Variants in CATSPERB observed in about 807,000 individuals in gnomAD.
The protein encoded by CATSPERB is cation channel sperm-associated auxiliary subunit beta.
A neutral mutation model predicts 128.3 loss-of-function variants in CATSPERB; 93 were observed. The observed-to-expected ratio is 0.72, with a 90% CI of 0.61 to 0.86. The LOEUF (loss-of-function observed/expected upper bound fraction) is 0.86, where lower values mean the gene tolerates loss of function less well. Among genes scored for constraint, CATSPERB ranks in the 40% least tolerant of loss-of-function variants. The pLI, the probability that CATSPERB is intolerant of heterozygous loss-of-function variation, is 0.00. For synonymous variants in CATSPERB, 381 were observed against 448.8 expected, an observed-to-expected ratio of 0.85 and a Z score of 1.91; for missense variants, 1,153 against 1,329.5, an observed-to-expected ratio of 0.87 and a Z score of 2.06.
intron 7 of CATSPERB, among the ~76,000 whole-genome samples, chr14:91,703,272 C>T (rs1053868323): frequency 1.3e-5 from 2 of 152,076 alleles, no homozygotes; most frequent in South Asian, 4.1e-4. Context: ...TGTGATATAA[C>T]GAGAAATACG....
intron 6 of CATSPERB, among the ~76,000 whole-genome samples, chr14:91,706,451 A>C (rs535700308): frequency 2.0e-5 from 3 of 152,280 alleles, no homozygotes; most frequent in East Asian, 1.9e-4. Flanking sequence ...AGTATATCTT[A>C]AGCATTTTAA....
At chr14:91,661,597 A>G (rs995416558) in intron 14 of CATSPERB, among the ~76,000 whole-genome samples, 5 of 149,014 alleles carry the variant, frequency 3.4e-5, no homozygotes, top group East Asian at 3.9e-4. Flanking sequence ...CAGTGGCACA[A>G]TCTTGGCTCA....
At chr14:91,650,466 G>A (rs1359288558) in intron 15 of CATSPERB, among the ~76,000 whole-genome samples, 2 of 152,138 alleles carry the variant, frequency 1.3e-5, no homozygotes, top group East Asian at 3.8e-4. Context: ...CAAATTCTTA[G>A]GTGAAACTAA....
chr14:91,636,705 A>G, intron 16 of CATSPERB, 126 bp from the exon 17 acceptor site: 1 of 809,826 alleles, frequency 1.2e-6, no homozygotes, highest in East Asian at 2.7e-5. Context: ...CAATTGGAGA[A>G]ATAAGTCAAC....
chr14:91,683,647 GCCT>G (rs1398976686), intron 11 of CATSPERB, among the ~76,000 whole-genome samples: 1 of 152,066 alleles, frequency 6.6e-6, no homozygotes, highest in Non-Finnish European at 1.5e-5. Flanking sequence ...GATGACACTA[GCCT>G]ATGTTCCAGG....
chr14:91,704,727 A>G, intron 6 of CATSPERB, 26 bp from the exon 7 acceptor site: 1 of 1,603,552 alleles, frequency 6.2e-7, no homozygotes, highest in Admixed American at 1.7e-5. Context: ...TTGGGTGTTT[A>G]AATTGTGGGA....
chr14:91,640,377 A>G (rs1311374327), intron 15 of CATSPERB, among the ~76,000 whole-genome samples: 3 of 102,740 alleles, frequency 2.9e-5, no homozygotes, highest in African/African-American at 1.3e-4. Flanking sequence ...TATATCTCCC[A>G]ATGCTATCCC....
intron 16 of CATSPERB, among the ~76,000 whole-genome samples, chr14:91,638,423 G>T (rs1383277782): frequency 6.6e-6 from 1 of 150,992 alleles, no homozygotes; most frequent in African/African-American, 2.4e-5. Context: ...TTGAGTCAGG[G>T]TCTTGCTCTG....
intron 11 of CATSPERB, among the ~76,000 whole-genome samples, chr14:91,683,145 T>G (rs1895313452): frequency 6.6e-6 from 1 of 152,244 alleles, no homozygotes; most frequent in African/African-American, 2.4e-5. Flanking sequence ...TGCTATTATA[T>G]ACTCTGCACA....
At chr14:91,581,783 G>A (rs1882019101) in intron 26 of CATSPERB, among the ~76,000 whole-genome samples, 1 of 152,176 alleles carries the variant, frequency 6.6e-6, no homozygotes, top group Non-Finnish European at 1.5e-5. Flanking sequence ...ATAGAAGTGG[G>A]GCATAAAGAG....
intron 19 of CATSPERB, among the ~76,000 whole-genome samples, chr14:91,619,112 G>A (rs561799614): frequency 3.9e-5 from 6 of 152,226 alleles, no homozygotes; most frequent in East Asian, 1.9e-4. Flanking sequence ...AGAACATTGC[G>A]GTGTTGGTGA....
chr14:91,729,264 T>C lies in CATSPERB; in HGVS notation c.79+137A>G, dbSNP rs113093657. The C allele has an allele frequency of 2.5e-3, 1,150 of 459,778 alleles. 18 individuals carry two copies. The highest frequency in any genetic ancestry group is 0.021 in the African/African-American group (1,032 of 49,202). 28.5% of individuals were successfully genotyped at this position (459,778 alleles called of 1,614,324 possible). On this transcript the variant is annotated intron_variant, in intron 2 of 26. Coordinates refer to ENST00000256343, the MANE Select transcript of CATSPERB (RefSeq NM_024764.4). ...TAGAAGCCTCTAGACCAGAGTATAATTGACAATATTGGGAAACAATTGGAA... is the reference window on the plus strand; with the variant it reads ...TAGAAGCCTCTAGACCAGAGTATAACTGACAATATTGGGAAACAATTGGAA...
intron 12 of CATSPERB, 60 bp downstream of exon 12, chr14:91,674,116 C>G: frequency 1.1e-6 from 1 of 934,120 alleles, no homozygotes; most frequent in Non-Finnish European, 1.7e-6. Flanking sequence ...TAATCCCAAT[C>G]CATGAAGTCC....
chr14:91,633,858 A>G (rs1422931534), intron 17 of CATSPERB, among the ~76,000 whole-genome samples: 1 of 152,054 alleles, frequency 6.6e-6, no homozygotes, highest in Non-Finnish European at 1.5e-5. Context: ...AAAGAAAAAG[A>G]GAGAGAGAGT....
At chr14:91,688,323 G>A (rs1165382931) in intron 10 of CATSPERB, among the ~76,000 whole-genome samples, 2 of 152,120 alleles carry the variant, frequency 1.3e-5, no homozygotes, top group Non-Finnish European at 2.9e-5. Context: ...ATACCAGTGA[G>A]GTGTATTTTG....
chr14:91,667,110 G>A (rs1894997896), intron 14 of CATSPERB, among the ~76,000 whole-genome samples: 1 of 152,238 alleles, frequency 6.6e-6, no homozygotes, highest in South Asian at 2.1e-4. Context: ...CTGGGAAAGG[G>A]AAAAAGTATA....
intron 22 of CATSPERB, chr14:91,603,521 G>T: frequency 1.1e-6 from 1 of 877,454 alleles, no homozygotes; most frequent in Non-Finnish European, 1.9e-6. Flanking sequence ...ATGCCGGCCA[G>T]CAAGGAAGGG....
intron 26 of CATSPERB, among the ~76,000 whole-genome samples, chr14:91,581,592 C>T (rs1452623042): frequency 3.3e-5 from 5 of 152,258 alleles, no homozygotes; most frequent in African/African-American, 1.2e-4. Context: ...AGAAAATCCT[C>T]TTTGTAGGTG....
chr14:91,633,986 T>A (rs777312183), intron 17 of CATSPERB, among the ~76,000 whole-genome samples: 1 of 151,968 alleles, frequency 6.6e-6, no homozygotes, highest in African/African-American at 2.4e-5. Context: ...ACAAAAAAAA[T>A]TATAGTTGAC....
Sources: gnomAD v4.1 joint callset for allele counts (sites outside exome capture counted in the v4.1 genomes callset) on GRCh38, gnomAD v4.1.1 for gene constraint, MANE v1.5 for transcripts, NCBI Gene and HGNC (gene_info 2026-07-23, HGNC 2026-07-21) for gene names.